The following TEX55 variants were observed in gnomAD, a reference collection of about 807,000 sequenced individuals.
The protein encoded by TEX55 is testis expressed 55.
Under a neutral mutation model 44.6 loss-of-function variants are expected in TEX55, and 31 were observed. That is an observed-to-expected ratio of 0.69 (90% CI 0.52 to 0.94). The LOEUF (loss-of-function observed/expected upper bound fraction) is 0.94, where lower values mean the gene tolerates loss of function less well. Ranked by LOEUF, TEX55 falls within the 40% of genes least tolerant of loss-of-function variation. The pLI is 0.00. For synonymous variants in TEX55, 230 were observed against 230.9 expected, an observed-to-expected ratio of 1.00 and a Z score of 0.04; for missense variants, 639 against 638.4, an observed-to-expected ratio of 1.00 and a Z score of -0.01.
At chr3:119,150,419 A>C (rs916668868) in intron 2 of TEX55, among the ~76,000 whole-genome samples, 4 of 152,120 alleles carry the variant, frequency 2.6e-5, no homozygotes, top group African/African-American at 9.7e-5. Flanking sequence ...TATAAAATAC[A>C]TAATGGAATG....
chr3:119,148,982 G>A (rs1424678897), intron 2 of TEX55, among the ~76,000 whole-genome samples: 3 of 152,188 alleles, frequency 2.0e-5, no homozygotes, highest in Non-Finnish European at 4.4e-5. Flanking sequence ...TGCTCTGAGC[G>A]AGTCAGTGAG....
chr3:119,146,604 G>A lies in TEX55; in HGVS notation c.415G>A (p.Glu139Lys). Reference protein sequence around the residue: ...QSDGQVSGLTEERTAEQTERR... With the variant: ...QSDGQVSGLTKERTAEQTERR... ...TGATGGTCAGGTGTCTGGCCTGACG[G>A]AGGAAAGAACTGCTGAACAGACTGA... Residue 139 changes from glutamate (E) to lysine (K), a missense_variant, in exon 1 of 3, where the codon GAG (glutamate) becomes AAG (lysine). Coordinates refer to ENST00000295622, the MANE Select transcript of TEX55 (RefSeq NM_152539.3). 1 of 1,614,038 alleles carries A rather than the reference G, an allele frequency of 6.2e-7. No homozygotes were observed. Among genetic ancestry groups the A allele is most frequent in the Non-Finnish European group, 8.5e-7 (1 of 1,180,028 alleles).
intron 2 of TEX55, among the ~76,000 whole-genome samples, chr3:119,149,320 A>G (rs2077759676): frequency 6.6e-6 from 1 of 152,088 alleles, no homozygotes; most frequent in South Asian, 2.1e-4. Context: ...TAAGACACAA[A>G]TACACACATT....
chr3:119,148,294 G>A lies in TEX55; in HGVS notation c.1513G>A (p.Glu505Lys), dbSNP rs1363537142. 11 of 1,610,494 alleles carry A rather than the reference G, an allele frequency of 6.8e-6. No homozygotes were observed. The highest frequency in any genetic ancestry group is 2.7e-5 in the African/African-American group (2 of 74,856). The change falls in exon 2 of 3, where the codon GAA (glutamate) becomes AAA (lysine). Residue 505 changes from glutamate (E) to lysine (K), a missense_variant. Physicochemically the swap from Glu to Lys is moderately conservative, Grantham distance 56. Coordinates refer to ENST00000295622, the MANE Select transcript of TEX55 (RefSeq NM_152539.3). Reference protein sequence around the residue: ...DPYQVSLQYMEKHHILQIFQQ... With the variant: ...DPYQVSLQYMKKHHILQIFQQ... ...TTACCAAGTTTCACTCCAATACATGGAAAAACACCACATTCTGCAAATATT... is the reference window on the plus strand; with the variant it reads ...TTACCAAGTTTCACTCCAATACATGAAAAAACACCACATTCTGCAAATATT...
chr3:119,148,135 T>C (rs771011554), intron 1 of TEX55, 45 bp from the exon 2 acceptor site: 2 of 1,566,012 alleles, frequency 1.3e-6, no homozygotes, highest in South Asian at 1.2e-5. Context: ...TCCTAGGCCC[T>C]TCAGGTTTAC....
intron 2 of TEX55, among the ~76,000 whole-genome samples, chr3:119,150,460 T>A (rs1488590011): frequency 6.6e-6 from 1 of 152,106 alleles, no homozygotes; most frequent in Non-Finnish European, 1.5e-5. Flanking sequence ...CCTGATTATT[T>A]TATCCTGAAA....
chr3:119,147,765 T>C (rs1476620938), intron 1 of TEX55, among the ~76,000 whole-genome samples, 178 bp downstream of exon 1: 1 of 152,052 alleles, frequency 6.6e-6, no homozygotes, highest in Non-Finnish European at 1.5e-5. Context: ...GGATGGGAAA[T>C]AAAAGAGAAT....
In TEX55 at chr3:119,146,656, G is replaced by C. The variant is rs1273924338; in HGVS notation, c.467G>C (p.Arg156Thr). ...CGAAGATTACCTACCCAGGCTGAGA[G>C]AAGAACTTCTGGGCAGATTGATGGT... is the stretch of plus-strand genomic sequence containing the variant. ...TERRLPTQAE[R>T]RTSGQIDGRL... Residue 156 changes from arginine (R) to threonine (T), a missense_variant, in exon 1 of 3, where the codon AGA becomes ACA. Transcript: ENST00000295622. The C allele has an allele frequency of 1.9e-6, 3 of 1,614,100 alleles. No homozygotes were observed. Among genetic ancestry groups the C allele is most frequent in the Non-Finnish European group, 2.5e-6 (3 of 1,180,056 alleles).
chr3:119,146,168 C>G lies in TEX55; in HGVS notation c.-22C>G, dbSNP rs1295386640. 6.5e-7 allele frequency: 1 copy of G among 1,528,494 alleles called. No homozygotes were observed. Among genetic ancestry groups the G allele is most frequent in the East Asian group, 2.3e-5 (1 of 43,848 alleles). 94.7% of individuals were successfully genotyped at this position (1,528,494 alleles called of 1,614,324 possible). A position where few individuals can be genotyped will look rare whatever the true frequency, so the allele number is the denominator to read the frequency against. On this transcript the variant is annotated 5_prime_UTR_variant, in exon 1 of 3. Transcript: ENST00000295622. ...CACCCACAGTGCCTGGCAACCTAGA[C>G]CAGTCAGGGACGCGGCAGGAAATGG...
chr3:119,149,192 C>A (rs2077758774), intron 2 of TEX55, among the ~76,000 whole-genome samples: 1 of 152,024 alleles, frequency 6.6e-6, no homozygotes, highest in Non-Finnish European at 1.5e-5. Context: ...GCTTAAAATA[C>A]ACATAGTACA....
At position 119,147,439 on chromosome 3, in the gene TEX55, C is replaced by T. The variant is rs1410828050; in HGVS notation, c.1250C>T (p.Thr417Ile). The T allele has an allele frequency of 6.2e-7, 1 of 1,614,160 alleles. No homozygotes were observed. The highest frequency in any genetic ancestry group is 1.1e-5 in the South Asian group (1 of 91,078). ...GAAATGGAAACTCAGAATGCAACCA[C>T]TATCCCACCCTACAACCCAGTTGAT... is the stretch of plus-strand genomic sequence containing the variant. ...SVEMETQNAT[T>I]IPPYNPVDAR... The change falls in exon 1 of 3, where the codon ACT becomes ATT. Residue 417 changes from threonine to isoleucine, a missense_variant. Transcript: ENST00000295622.
chr3:119,151,275 A>T lies in TEX55; in HGVS notation c.1594A>T (p.Met532Leu). ...YEKPEDPLNF[M>L]LCQV ...AAAGCCAGAGGACCCCCTGAATTTT[A>T]TGCTGTGCCAGGTATAGAATTGGAG... is the stretch of plus-strand genomic sequence containing the variant. Residue 532 changes from methionine (M) to leucine (L), a missense_variant, in exon 3 of 3, where the codon ATG becomes TTG. Met to Leu is a conservative substitution (Grantham distance 15). Coordinates refer to ENST00000295622, the MANE Select transcript of TEX55 (RefSeq NM_152539.3). 1 of 1,613,264 alleles carries T rather than the reference A, an allele frequency of 6.2e-7. No individual in the cohort carries two copies. Among genetic ancestry groups the T allele is most frequent in the African/African-American group, 1.3e-5 (1 of 75,042 alleles).
rs138666071 is a variant in TEX55 at position 119,146,455 on chromosome 3, G to T, written c.266G>T (p.Arg89Leu). 1.2e-6 allele frequency: 2 copies of T among 1,614,124 alleles called. No homozygotes were observed. Among genetic ancestry groups the T allele is most frequent in the South Asian group, 2.2e-5 (2 of 91,084 alleles). ...NGHSTPGQAG[R>L]RASNPADVSD... ...CATAGTACACCTGGTCAGGCTGGCCGCAGAGCATCCAACCCTGCTGATGTT... is the reference window on the plus strand; with the variant it reads ...CATAGTACACCTGGTCAGGCTGGCCTCAGAGCATCCAACCCTGCTGATGTT... The change falls in exon 1 of 3, where the codon CGC (arginine) becomes CTC (leucine). Residue 89 changes from arginine to leucine, a missense_variant. Physicochemically the swap from Arg to Leu is moderately radical, Grantham distance 102. Coordinates refer to ENST00000295622, the MANE Select transcript of TEX55 (RefSeq NM_152539.3).
chr3:119,147,095 A>G lies in TEX55; in HGVS notation c.906A>G (p.Thr302=), dbSNP rs2077735045. ...TGTATGGCCTCGTTGACCACAAAAC[A>G]TCTGTAAAGACTCACCACCAAGTGT... ...LRLYGLVDHK[T]SVKTHHQVYG... Residue 302 remains threonine, a synonymous_variant, in exon 1 of 3, where the codon ACA becomes ACG. Coordinates refer to ENST00000295622, the MANE Select transcript of TEX55 (RefSeq NM_152539.3). 11 of 1,614,168 alleles carry G rather than the reference A, an allele frequency of 6.8e-6. No homozygotes were observed. Among genetic ancestry groups the G allele is most frequent in the Non-Finnish European group, 9.3e-6 (11 of 1,180,024 alleles).
chr3:119,151,376 T>TA lies in TEX55; in HGVS notation c.*85dup. 9.2e-7 allele frequency: 1 copy of TA among 1,082,494 alleles called. No homozygotes were observed. The highest frequency in any genetic ancestry group is 1.4e-5 in the South Asian group (1 of 70,736). The allele number at this position is 1,082,494 out of a possible 1,614,324, so 67.1% of individuals were successfully genotyped here. On this transcript the variant is annotated 3_prime_UTR_variant, in exon 3 of 3. Coordinates refer to ENST00000295622, the MANE Select transcript of TEX55 (RefSeq NM_152539.3). ...AGCAAAGTGTATAGAACAAAGTACG[T>TA]ACAACTCTGAATTCTTATGAAGTAA...
In TEX55 at chr3:119,147,304, G is replaced by C; in HGVS notation, c.1115G>C (p.Arg372Thr). 6.2e-7 allele frequency: 1 copy of C among 1,614,176 alleles called. No homozygotes were observed. The highest frequency in any genetic ancestry group is 8.5e-7 in the Non-Finnish European group (1 of 1,180,042). The change falls in exon 1 of 3, where the codon AGA (arginine) becomes ACA (threonine). Residue 372 changes from arginine to threonine, a missense_variant. Arg to Thr is a moderately conservative substitution (Grantham distance 71). Transcript: ENST00000295622. ...YYETRGQSED[R>T]IFPQLGNSKE... ...GAAACACGTGGCCAGTCTGAAGACA[G>C]AATATTTCCCCAGTTAGGCAACAGC... is the stretch of plus-strand genomic sequence containing the variant.
chr3:119,147,710 A>C, intron 1 of TEX55, 123 bp downstream of exon 1: 1 of 803,210 alleles, frequency 1.2e-6, no homozygotes, highest in Non-Finnish European at 1.9e-6. Context: ...ATAAACCCAC[A>C]TGTTGTGGTA....
chr3:119,148,304 A>G lies in TEX55; in HGVS notation c.1523A>G (p.His508Arg). The change falls in exon 2 of 3, where the codon CAC (histidine) becomes CGC (arginine). Residue 508 changes from histidine (H) to arginine (R), a missense_variant. Coordinates refer to ENST00000295622, the MANE Select transcript of TEX55 (RefSeq NM_152539.3). ...TCACTCCAATACATGGAAAAACACC[A>G]CATTCTGCAAATATTCCAGGTAAAC... Reference protein sequence around the residue: ...QVSLQYMEKHHILQIFQQITE... With the variant: ...QVSLQYMEKHRILQIFQQITE... 1 of 1,611,076 alleles carries G rather than the reference A, an allele frequency of 6.2e-7. No homozygotes were observed. The highest frequency in any genetic ancestry group is 8.5e-7 in the Non-Finnish European group (1 of 1,179,258).
rs1237518551 is a variant in TEX55, at chr3:119,151,229, T to C, written c.1548T>C (p.Ile516=). 2 of 1,607,270 alleles carry C rather than the reference T, an allele frequency of 1.2e-6. No homozygotes were observed. The highest frequency in any genetic ancestry group is 1.7e-5 in the Admixed American group (1 of 60,000). The stretch of plus-strand genomic sequence containing the variant: ...CCTTATGCTCTCTTTCTCAGCAGAT[T>C]ACTGAAAACTTAGTCTATGAAAAGC... ...KHHILQIFQQ[I]TENLVYEKPE... Residue 516 remains isoleucine (I), a synonymous_variant, in exon 3 of 3, where the codon ATT becomes ATC. Transcript: ENST00000295622.
Sources: allele counts gnomAD v4.1 joint callset (sites outside exome capture counted in the v4.1 genomes callset), GRCh38; gene constraint gnomAD v4.1.1; transcripts MANE v1.5; gene names NCBI Gene and HGNC (gene_info 2026-07-23, HGNC 2026-07-21).